Variants in GABBR2 observed in about 807,000 individuals in gnomAD.
The protein encoded by GABBR2 is gamma-aminobutyric acid type B receptor subunit 2.
In GABBR2, 23 loss-of-function variants were observed where a neutral mutation model predicts 105.6. The observed-to-expected ratio is 0.22, with a 90% confidence interval of 0.16 to 0.31. GABBR2 has a LOEUF of 0.31. Among genes scored for constraint, GABBR2 ranks in the 10% least tolerant of loss-of-function variants. The pLI is 1.00. For synonymous variants in GABBR2, 478 were observed against 499.7 expected (o/e 0.96, Z 0.58); for missense variants, 734 against 1,245.5 (o/e 0.59, Z 6.18).
At chr9:98,331,602 G>T (rs2131391555) in intron 13 of GABBR2, among the ~76,000 whole-genome samples, 1 of 152,100 alleles carries the variant, frequency 6.6e-6, no homozygotes, top group African/African-American at 2.4e-5. Flanking sequence ...TCCAGCATCT[G>T]GCACATAGTG....
chr9:98,414,982 T>C (rs969899820), intron 7 of GABBR2, among the ~76,000 whole-genome samples: 3 of 152,168 alleles, frequency 2.0e-5, no homozygotes, highest in African/African-American at 7.2e-5. Flanking sequence ...ATATAAGAGA[T>C]AAATAAAATT....
chr9:98,443,306 T>C (rs1191057918), intron 7 of GABBR2, among the ~76,000 whole-genome samples: 1 of 152,208 alleles, frequency 6.6e-6, no homozygotes, highest in Non-Finnish European at 1.5e-5. Flanking sequence ...ACACTGCTTT[T>C]CTTAAGGAAA....
At chr9:98,476,466 C>T (rs1826796233) in intron 5 of GABBR2, among the ~76,000 whole-genome samples, 1 of 152,220 alleles carries the variant, frequency 6.6e-6, no homozygotes, top group Non-Finnish European at 1.5e-5. Flanking sequence ...GCACACAACT[C>T]CTGGAGCCCC....
intron 1 of GABBR2, among the ~76,000 whole-genome samples, chr9:98,680,454 C>A (rs1026967206): frequency 1.3e-5 from 2 of 152,038 alleles, no homozygotes; most frequent in Non-Finnish European, 2.9e-5. Context: ...TACAGGCGCC[C>A]GCCACTATGC....
intron 3 of GABBR2, among the ~76,000 whole-genome samples, chr9:98,508,607 G>A (rs1827565036): frequency 6.6e-6 from 1 of 152,222 alleles, no homozygotes; most frequent in Non-Finnish European, 1.5e-5. Flanking sequence ...TGGCGCACCA[G>A]GAGATTATAT....
At chr9:98,441,493 A>G (rs1213993474) in intron 7 of GABBR2, among the ~76,000 whole-genome samples, 1 of 152,102 alleles carries the variant, frequency 6.6e-6, no homozygotes, top group Non-Finnish European at 1.5e-5. Flanking sequence ...TCAGCCTCTC[A>G]AGTAGCTGGG....
At chr9:98,607,776 T>G in intron 1 of GABBR2, 1 of 788,840 alleles carries the variant, frequency 1.3e-6, no homozygotes, top group Non-Finnish European at 2.3e-6. Context: ...CAGCTGTGAC[T>G]TATAATGGAA....
chr9:98,708,118 T>G (rs1181926530), intron 1 of GABBR2, among the ~76,000 whole-genome samples: 1 of 152,030 alleles, frequency 6.6e-6, no homozygotes, highest in African/African-American at 2.4e-5. Context: ...GCCCCCACCT[T>G]CTCCACTCCT....
chr9:98,643,137 C>T (rs113370450), intron 1 of GABBR2, among the ~76,000 whole-genome samples: 72 of 152,338 alleles, frequency 4.7e-4, no homozygotes, highest in African/African-American at 1.5e-3. Context: ...CAGGACCCTG[C>T]CATGGGCAAC....
At chr9:98,593,866 G>A (rs1829185843) in intron 1 of GABBR2, among the ~76,000 whole-genome samples, 3 of 152,284 alleles carry the variant, frequency 2.0e-5, no homozygotes, top group South Asian at 2.1e-4. Context: ...TTAATTATGT[G>A]CCTCGCTTGT....
At chr9:98,621,766 G>A (rs973720594) in intron 1 of GABBR2, among the ~76,000 whole-genome samples, 2 of 152,156 alleles carry the variant, frequency 1.3e-5, no homozygotes, top group African/African-American at 4.8e-5. Context: ...TCAAAGAGAA[G>A]GCATATTGTA....
At chr9:98,432,446 C>A (rs1825829206) in intron 7 of GABBR2, among the ~76,000 whole-genome samples, 1 of 152,066 alleles carries the variant, frequency 6.6e-6, no homozygotes, top group Non-Finnish European at 1.5e-5. Flanking sequence ...TTCTAAAAAT[C>A]CCACTGAGGT....
chr9:98,299,011 G>A (rs774298633), intron 17 of GABBR2, among the ~76,000 whole-genome samples: 4 of 152,220 alleles, frequency 2.6e-5, no homozygotes, highest in South Asian at 4.1e-4. Context: ...ATGAGAAATC[G>A]AAGACCCAGG....
Position 98,480,802 on chromosome 9 carries a change from T to C in GABBR2, c.798+130A>G, listed in dbSNP as rs141939807. The C allele has an allele frequency of 6.2e-4, 424 of 678,648 alleles. 3 individuals are homozygous for C. The East Asian group carries it at 9.4e-3, about 15-fold the overall frequency. 42.0% of individuals were successfully genotyped at this position (678,648 alleles called of 1,614,324 possible). On this transcript the variant is annotated intron_variant, in intron 5 of 18. Coordinates refer to ENST00000259455, the MANE Select transcript of GABBR2 (RefSeq NM_005458.8). Reference sequence around the variant, plus strand: ...AAGAGGAAAGAACAGTGAACGCAACTCTTCTGCTTCCAGGAACCCAGGCTC... The same window carrying C: ...AAGAGGAAAGAACAGTGAACGCAACCCTTCTGCTTCCAGGAACCCAGGCTC...
intron 1 of GABBR2, among the ~76,000 whole-genome samples, chr9:98,651,301 G>A (rs1830101840): frequency 6.6e-6 from 1 of 151,664 alleles, no homozygotes; most frequent in African/African-American, 2.4e-5. Flanking sequence ...GCACCACCAC[G>A]CCCAGCTAAT....
chr9:98,649,395 G>A (rs1004354119), intron 1 of GABBR2, among the ~76,000 whole-genome samples: 1 of 152,066 alleles, frequency 6.6e-6, no homozygotes, highest in Admixed American at 6.5e-5. Context: ...GCCCCTTACG[G>A]CCCCAAAGAG....
At chr9:98,474,581 C>T (rs781536463) in intron 5 of GABBR2, among the ~76,000 whole-genome samples, 4 of 152,144 alleles carry the variant, frequency 2.6e-5, no homozygotes, top group East Asian at 1.9e-4. Context: ...ACAATCCTTC[C>T]GTTCAATCCT....
intron 1 of GABBR2, among the ~76,000 whole-genome samples, chr9:98,665,321 GAA>G (rs1187480655): frequency 2.6e-5 from 4 of 151,666 alleles, no homozygotes; most frequent in African/African-American, 7.3e-5. Context: ...AACAAAAAAA[GAA>G]AAGAGAACTA....
chr9:98,494,133 G>A lies in GABBR2; in HGVS notation c.732+2280C>T, dbSNP rs548649820. Among the ~76,000 whole-genome samples, 7 of 152,304 alleles carry A rather than the reference G, an allele frequency of 4.6e-5. No homozygotes were observed. The South Asian group carries it at 1.0e-3, about 23-fold the overall frequency. ...CAAACTGCCAAGGATTACTGGTGAC[G>A]CCAGCAGCCAAGAGAAAGGCAAGGA... is the stretch of plus-strand genomic sequence containing the variant. On this transcript the variant is annotated intron_variant, in intron 4 of 18. Coordinates refer to ENST00000259455, the MANE Select transcript of GABBR2 (RefSeq NM_005458.8).
Sources: gnomAD v4.1 joint callset for allele counts (sites outside exome capture counted in the v4.1 genomes callset) on GRCh38, gnomAD v4.1.1 for gene constraint, MANE v1.5 for transcripts, NCBI Gene and HGNC (gene_info 2026-07-23, HGNC 2026-07-21) for gene names.